Variants in AGBL1 observed in about 807,000 individuals in gnomAD.
AGBL1 encodes the protein AGBL carboxypeptidase 1.
AGBL1 carries 130 observed loss-of-function variants against 118.9 expected under a neutral mutation model. That is an observed-to-expected ratio of 1.09 (90% CI 0.95 to 1.26). The LOEUF is 1.26. Ranked by LOEUF, AGBL1 falls within the 50% of genes most tolerant of loss-of-function variation. AGBL1 has a pLI of 0.00. For missense variants in AGBL1, 1,584 were observed against 1,298.1 expected, an observed-to-expected ratio of 1.22 and a Z score of -3.38; for synonymous variants, 555 against 478.9, an observed-to-expected ratio of 1.16 and a Z score of -2.08.
intron 21 of AGBL1, among the ~76,000 whole-genome samples, chr15:86,586,386 T>C (rs2084248393): frequency 6.6e-6 from 1 of 152,188 alleles, no homozygotes; most frequent in Non-Finnish European, 1.5e-5. Flanking sequence ...TATGTTTGCA[T>C]GTGTTGTATT....
intron 22 of AGBL1, among the ~76,000 whole-genome samples, chr15:86,701,377 G>T (rs527930751): frequency 1.7e-4 from 26 of 152,162 alleles, no homozygotes; most frequent in Middle Eastern, 3.4e-3. Flanking sequence ...AGCTAGAATT[G>T]TTAATAATTC....
At chr15:86,852,781 C>T (rs2079425435) in intron 22 of AGBL1, among the ~76,000 whole-genome samples, 2 of 152,108 alleles carry the variant, frequency 1.3e-5, no homozygotes, top group African/African-American at 4.8e-5. Flanking sequence ...TGGAGTAGAT[C>T]CCTTATCTCC....
intron 22 of AGBL1, among the ~76,000 whole-genome samples, chr15:86,821,000 A>G (rs1317226929): frequency 6.6e-6 from 1 of 152,130 alleles, no homozygotes; most frequent in Non-Finnish European, 1.5e-5. Context: ...CTACGGAGCC[A>G]AAAAAAGAAT....
At chr15:86,844,934 T>C (rs1208650618) in intron 22 of AGBL1, among the ~76,000 whole-genome samples, 1 of 152,150 alleles carries the variant, frequency 6.6e-6, no homozygotes, top group Non-Finnish European at 1.5e-5. Context: ...TCTAATGGCT[T>C]TAGTATCATT....
chr15:86,285,648 G>C (rs762834437), intron 16 of AGBL1, among the ~76,000 whole-genome samples: 1 of 152,080 alleles, frequency 6.6e-6, no homozygotes, highest in South Asian at 2.1e-4. Flanking sequence ...ACCCAGTCTC[G>C]GGTATGTCTT....
At chr15:86,836,933 A>C (rs1249836317) in intron 22 of AGBL1, among the ~76,000 whole-genome samples, 1 of 152,060 alleles carries the variant, frequency 6.6e-6, no homozygotes, top group East Asian at 1.9e-4. Context: ...TCTTGCTTAT[A>C]TATTTATCTG....
chr15:86,762,397 C>A (rs1596459145), intron 22 of AGBL1, among the ~76,000 whole-genome samples: 1 of 151,938 alleles, frequency 6.6e-6, no homozygotes, highest in Non-Finnish European at 1.5e-5. Flanking sequence ...CCCCCTGCCC[C>A]CTGCAAAAGA....
At chr15:86,198,842 T>C (rs1010695227) in intron 5 of AGBL1, among the ~76,000 whole-genome samples, 1 of 152,148 alleles carries the variant, frequency 6.6e-6, no homozygotes, top group African/African-American at 2.4e-5. Flanking sequence ...AAAATAAATT[T>C]CTATTGCTTA....
intron 17 of AGBL1, among the ~76,000 whole-genome samples, chr15:86,306,660 CCTTT>C (rs1448878741): frequency 1.3e-5 from 2 of 152,058 alleles, no homozygotes; most frequent in Non-Finnish European, 2.9e-5. Flanking sequence ...ATACTGATTT[CCTTT>C]CTTTTGAGTA....
intron 18 of AGBL1, among the ~76,000 whole-genome samples, chr15:86,476,984 G>A (rs922736754): frequency 2.0e-4 from 30 of 152,132 alleles, no homozygotes; most frequent in Non-Finnish European, 3.5e-4. Context: ...AATGACTACT[G>A]GTTACATAAT....
chr15:87,022,249 A>C lies in AGBL1; in HGVS notation c.3324-6576A>C, dbSNP rs983151746. Among the ~76,000 whole-genome samples, 7 of 152,146 alleles carry C rather than the reference A, an allele frequency of 4.6e-5. No homozygotes were observed. In the South Asian group the frequency reaches 1.5e-3, roughly 32 times the overall value. Reference sequence around the variant, plus strand: ...AAAACCAACTCTGGTAATATGACAAAACAAGGTTATTTAACACCCCCCAAA... The same window carrying C: ...AAAACCAACTCTGGTAATATGACAACACAAGGTTATTTAACACCCCCCAAA... On this transcript the variant is annotated intron_variant, in intron 24 of 24. Coordinates refer to the AGBL1 transcript ENST00000441037.
At chr15:86,474,439 G>A (rs976000584) in intron 18 of AGBL1, among the ~76,000 whole-genome samples, 1 of 152,206 alleles carries the variant, frequency 6.6e-6, no homozygotes, top group African/African-American at 2.4e-5. Flanking sequence ...TCCCGTGCCT[G>A]GCTCAGAGGG....
At chr15:86,904,404 A>C (rs1172092154) in intron 22 of AGBL1, among the ~76,000 whole-genome samples, 1 of 150,746 alleles carries the variant, frequency 6.6e-6, no homozygotes, top group Non-Finnish European at 1.5e-5. Context: ...AAAAAGTAAA[A>C]ATACTTCTCC....
chr15:86,945,377 TA>T (rs1271597972), intron 23 of AGBL1, among the ~76,000 whole-genome samples: 4 of 151,432 alleles, frequency 2.6e-5, no homozygotes, highest in African/African-American at 7.3e-5. Context: ...GAAAAGATAG[TA>T]AAAAACCAGC....
At chr15:86,427,977 G>A (rs1159952723) in intron 18 of AGBL1, among the ~76,000 whole-genome samples, 1 of 152,160 alleles carries the variant, frequency 6.6e-6, no homozygotes, top group African/African-American at 2.4e-5. Context: ...AAATGGGATA[G>A]ATCTTAAATA....
chr15:86,366,625 G>A lies in AGBL1; in HGVS notation c.2375-30741G>A, dbSNP rs139745116. On this transcript the variant is annotated intron_variant, in intron 17 of 22. Coordinates refer to ENST00000614907, the MANE Select transcript of AGBL1 (RefSeq NM_001386094.1). The stretch of plus-strand genomic sequence containing the variant: ...CCCGTCTCTCCCAGACATCTTGCCC[G>A]TTCTTATTTGTTCAGTCTCTGAACT... Among the ~76,000 whole-genome samples the A allele has an allele frequency of 9.4e-4, 143 of 152,142 alleles. 1 individual carries two copies. In the East Asian group the frequency reaches 0.023, roughly 25 times the overall value.
intron 21 of AGBL1, among the ~76,000 whole-genome samples, chr15:86,577,362 A>G (rs1002562017): frequency 3.9e-5 from 6 of 152,216 alleles, no homozygotes; most frequent in African/African-American, 1.4e-4. Flanking sequence ...ATTTCCAAGC[A>G]GCAAAGCATT....
intron 21 of AGBL1, among the ~76,000 whole-genome samples, chr15:86,566,589 C>A (rs1434340677): frequency 6.6e-6 from 1 of 152,084 alleles, no homozygotes; most frequent in Non-Finnish European, 1.5e-5. Flanking sequence ...CTCTTGACTT[C>A]TCTCCTTGTC....
chr15:86,380,720 A>G (rs1567226997), intron 17 of AGBL1, among the ~76,000 whole-genome samples: 2 of 152,214 alleles, frequency 1.3e-5, no homozygotes, highest in Non-Finnish European at 2.9e-5. Flanking sequence ...ATTTATGCAC[A>G]TGCTTGGCTT....
Sources: gnomAD v4.1 joint callset for allele counts (sites outside exome capture counted in the v4.1 genomes callset) on GRCh38, gnomAD v4.1.1 for gene constraint, MANE v1.5 for transcripts, NCBI Gene and HGNC (gene_info 2026-07-23, HGNC 2026-07-21) for gene names.